Variants in MRPS28 observed in about 807,000 individuals in gnomAD.
MRPS28 encodes small ribosomal subunit protein bS1m.
Under a neutral mutation model 10.8 loss-of-function variants are expected in MRPS28, and 7 were observed. The ratio of observed to expected loss-of-function variants is 0.65; its 90% CI spans 0.37 to 1.22. The LOEUF is 1.22. MRPS28 is among the 50% of genes most tolerant of loss of function. The probability of loss-of-function intolerance (pLI) is 0.02; values close to 1 mark genes in which losing one functional copy is unlikely to be tolerated. For missense variants in MRPS28, 265 were observed against 232.9 expected, an observed-to-expected ratio of 1.14 and a Z score of -0.90; for synonymous variants, 121 against 93.3, an observed-to-expected ratio of 1.30 and a Z score of -1.71.
At chr8:79,947,136 G>C (rs1304672998) in intron 2 of MRPS28, among the ~76,000 whole-genome samples, 1 of 152,106 alleles carries the variant, frequency 6.6e-6, no homozygotes, top group Non-Finnish European at 1.5e-5. Flanking sequence ...CTTTATATAC[G>C]CAAGCAAAAA....
intron 2 of MRPS28, chr8:79,958,308 G>T: frequency 1.5e-6 from 1 of 672,962 alleles, no homozygotes; most frequent in Non-Finnish European, 2.7e-6. Flanking sequence ...ATGTTTTCAG[G>T]GTTCATCCAT....
intron 1 of MRPS28, among the ~76,000 whole-genome samples, chr8:80,021,476 T>C (rs929512745): frequency 4.6e-5 from 7 of 152,222 alleles, no homozygotes; most frequent in Admixed American, 2.6e-4. Context: ...TCAGTCTCTC[T>C]CTCATTTTAT....
At chr8:79,956,800 C>T (rs369524460) in intron 2 of MRPS28, 4 of 152,166 alleles carry the variant, frequency 2.6e-5, no homozygotes, top group Non-Finnish European at 4.4e-5. Context: ...CATGTTACCA[C>T]AAAAGACAAT....
intron 2 of MRPS28, among the ~76,000 whole-genome samples, chr8:79,950,689 A>C (rs1024405036): frequency 6.6e-6 from 1 of 152,250 alleles, no homozygotes; most frequent in Non-Finnish European, 1.5e-5. Context: ...TGCCATCTGA[A>C]GTAAAACTTT....
At chr8:79,948,752 G>A (rs1375384856) in intron 2 of MRPS28, among the ~76,000 whole-genome samples, 1 of 151,960 alleles carries the variant, frequency 6.6e-6, no homozygotes, top group Non-Finnish European at 1.5e-5. Context: ...ATATTAATAT[G>A]ATGAATTACA....
intron 2 of MRPS28, among the ~76,000 whole-genome samples, chr8:79,971,322 A>G (rs1807626542): frequency 6.6e-6 from 1 of 152,264 alleles, no homozygotes; most frequent in Non-Finnish European, 1.5e-5. Context: ...TATCTTTCTT[A>G]CACAGAAAGG....
chr8:79,937,615 T>C (rs7008017), intron 2 of MRPS28, among the ~76,000 whole-genome samples: 3,206 of 152,284 alleles, frequency 0.021, 74 homozygotes, highest in South Asian at 0.1. Context: ...CAGTTATCAG[T>C]AGAAGTGGAA....
At chr8:80,022,824 A>T (rs1419631982) in intron 1 of MRPS28, among the ~76,000 whole-genome samples, 1 of 152,224 alleles carries the variant, frequency 6.6e-6, no homozygotes, top group Non-Finnish European at 1.5e-5. Flanking sequence ...ACATTAAAAG[A>T]TGGAAGTGAA....
chr8:79,952,074 T>A (rs1807093027), intron 2 of MRPS28, among the ~76,000 whole-genome samples: 1 of 152,218 alleles, frequency 6.6e-6, no homozygotes, highest in Non-Finnish European at 1.5e-5. Flanking sequence ...GAGCCTATTA[T>A]CAACTTCGGA....
At chr8:79,975,439 G>T (rs1586070384) in intron 2 of MRPS28, among the ~76,000 whole-genome samples, 1 of 152,152 alleles carries the variant, frequency 6.6e-6, no homozygotes, top group South Asian at 2.1e-4. Flanking sequence ...AAAGAAAAAG[G>T]CAAATGAATT....
intron 2 of MRPS28, among the ~76,000 whole-genome samples, chr8:79,927,896 C>A (rs1806334459): frequency 6.6e-6 from 1 of 152,136 alleles, no homozygotes; most frequent in South Asian, 2.1e-4. Context: ...GCTGCAGATT[C>A]CACACAATCC....
intron 1 of MRPS28, among the ~76,000 whole-genome samples, chr8:80,022,956 A>T (rs1054606272): frequency 6.6e-6 from 1 of 152,214 alleles, no homozygotes; most frequent in Non-Finnish European, 1.5e-5. Flanking sequence ...CAAAATACAT[A>T]CAGAACATAT....
chr8:80,020,567 A>C (rs1430848437), intron 1 of MRPS28, among the ~76,000 whole-genome samples: 1 of 152,256 alleles, frequency 6.6e-6, no homozygotes, highest in African/African-American at 2.4e-5. Flanking sequence ...GAGCCTTTTT[A>C]AAGTATTTCT....
Position 80,003,022 on chromosome 8 carries a change from A to G in MRPS28, c.372T>C (p.Cys124=). The change falls in exon 2 of 3, where the codon TGT becomes TGC. Residue 124 remains cysteine (C), a synonymous_variant. Transcript: ENST00000276585. ...ACTCTCCATCCACTTCTGGTCTTCT[A>G]CATACACAATGAAACTTTCCACCAA... ...IDFGGKFHCV[C]RRPEVDGEKY... The G allele has an allele frequency of 6.2e-7, 1 of 1,600,448 alleles. No individual in the cohort carries two copies. Among genetic ancestry groups the G allele is most frequent in the Non-Finnish European group, 8.5e-7 (1 of 1,175,902 alleles).
At chr8:80,029,639 G>T (rs545231588) in intron 1 of MRPS28, 3 of 896,160 alleles carry the variant, frequency 3.3e-6, no homozygotes, top group South Asian at 1.5e-5. Flanking sequence ...CAAGCTCCAT[G>T]CTAGAGCTAC....
At position 79,968,794 on chromosome 8, in the gene MRPS28, T is replaced by C. The variant is rs28450201; in HGVS notation, c.395+34205A>G. 7.1e-3 allele frequency among the ~76,000 whole-genome samples: 1,081 copies of C among 152,194 alleles called. 9 individuals are homozygous for C. Among genetic ancestry groups the C allele is most frequent in the African/African-American group, 0.025 (1,037 of 41,530 alleles). ...CTTGACTGCCTCTAGCATTTATTCATTCCCTCTTGATTACAGAGTTGAAGA... is the reference window on the plus strand; with the variant it reads ...CTTGACTGCCTCTAGCATTTATTCACTCCCTCTTGATTACAGAGTTGAAGA... On this transcript the variant is annotated intron_variant, in intron 2 of 2. Transcript: ENST00000276585.
chr8:79,922,440 C>A (rs369990113), intron 2 of MRPS28, among the ~76,000 whole-genome samples: 1 of 151,990 alleles, frequency 6.6e-6, no homozygotes, highest in Non-Finnish European at 1.5e-5. Flanking sequence ...ATGTTGTAGA[C>A]CTGGAAATTG....
intron 2 of MRPS28, among the ~76,000 whole-genome samples, chr8:79,929,985 T>C (rs1806416285): frequency 6.6e-6 from 1 of 152,184 alleles, no homozygotes; most frequent in Non-Finnish European, 1.5e-5. Context: ...AGTAACAAAT[T>C]TAAGATCTGA....
intron 2 of MRPS28, among the ~76,000 whole-genome samples, chr8:79,932,305 G>C (rs1806483853): frequency 6.6e-6 from 1 of 152,174 alleles, no homozygotes; most frequent in South Asian, 2.1e-4. Flanking sequence ...GAGGACTAGG[G>C]AACAACAGTA....
Sources: allele counts gnomAD v4.1 joint callset (sites outside exome capture counted in the v4.1 genomes callset), GRCh38; gene constraint gnomAD v4.1.1; transcripts MANE v1.5; gene names NCBI Gene and HGNC (gene_info 2026-07-23, HGNC 2026-07-21).